MAP2K5: variants seen among roughly 807,000 people sequenced by gnomAD.
MAP2K5 encodes dual specificity mitogen-activated protein kinase kinase 5.
Under a neutral mutation model 83.1 loss-of-function variants are expected in MAP2K5, and 49 were observed. The observed-to-expected ratio is 0.59, with a 90% CI of 0.47 to 0.75. MAP2K5 has a LOEUF of 0.75. Among genes scored for constraint, MAP2K5 ranks in the 30% least tolerant of loss-of-function variants. MAP2K5 has a pLI of 0.00. For missense variants in MAP2K5, 457 were observed against 557.5 expected (o/e 0.82, Z 1.82); for synonymous variants, 202 against 191.8 (o/e 1.05, Z -0.44).
intron 7 of MAP2K5, among the ~76,000 whole-genome samples, chr15:67,600,420 T>C (rs990625828): frequency 6.6e-6 from 1 of 152,244 alleles, no homozygotes. Flanking sequence ...TTTTGAGCTA[T>C]GTTGTATCAT....
At chr15:67,660,637 TC>T (rs1230190983) in intron 12 of MAP2K5, among the ~76,000 whole-genome samples, 1 of 152,142 alleles carries the variant, frequency 6.6e-6, no homozygotes, top group African/African-American at 2.4e-5. Context: ...ATTGAATACT[TC>T]CTGTGCCAAT....
intron 8 of MAP2K5, among the ~76,000 whole-genome samples, chr15:67,614,727 T>C (rs2086014566): frequency 6.6e-6 from 1 of 152,068 alleles, no homozygotes; most frequent in Non-Finnish European, 1.5e-5. Context: ...GTGGAAGAAA[T>C]ATGGAGGTAG....
chr15:67,579,645 T>C (rs1239844088), intron 3 of MAP2K5, among the ~76,000 whole-genome samples: 1 of 152,142 alleles, frequency 6.6e-6, no homozygotes, highest in Non-Finnish European at 1.5e-5. Flanking sequence ...ATGTATTAAC[T>C]TGTGATTCCC....
chr15:67,772,391 T>C (rs1788464852), intron 20 of MAP2K5, among the ~76,000 whole-genome samples: 1 of 152,264 alleles, frequency 6.6e-6, no homozygotes. Flanking sequence ...ATTGCTGCTT[T>C]TTTCACATTC....
chr15:67,769,983 A>G lies in MAP2K5; in HGVS notation c.1196+320A>G. ...ATACACAATTTTATAGCCCCTACTG[A>G]ACGGACGTACGAAGCTTATTTTTAT... is the stretch of plus-strand genomic sequence containing the variant. On this transcript the variant is annotated intron_variant, in intron 20 of 21. Coordinates refer to ENST00000178640, the MANE Select transcript of MAP2K5 (RefSeq NM_145160.3). This position sits in a 1 kb window ranked among gnomAD's most constrained non-coding sequence, Gnocchi z 5.2. 1 of 218,364 alleles carries G rather than the reference A, an allele frequency of 4.6e-6. No individual in the cohort carries two copies. The highest frequency in any genetic ancestry group is 9.0e-6 in the Non-Finnish European group (1 of 111,150). 13.5% of individuals were successfully genotyped at this position (218,364 alleles called of 1,614,324 possible). A position where few individuals can be genotyped will look rare whatever the true frequency, so the allele number is the denominator to read the frequency against.
At chr15:67,792,828 G>A (rs183091215) in intron 21 of MAP2K5, among the ~76,000 whole-genome samples, 2 of 152,304 alleles carry the variant, frequency 1.3e-5, no homozygotes, top group East Asian at 1.9e-4. Flanking sequence ...AAGCGGCCCC[G>A]TATGTCTTTA....
In MAP2K5 at chr15:67,748,177, T is replaced by G; in HGVS notation, c.1075-54T>G. The G allele has an allele frequency of 7.5e-7, 1 of 1,333,368 alleles. No homozygotes were observed. Among genetic ancestry groups the G allele is most frequent in the Non-Finnish European group, 1.1e-6 (1 of 928,332 alleles). 82.6% of individuals were successfully genotyped at this position (1,333,368 alleles called of 1,614,324 possible). A position where few individuals can be genotyped will look rare whatever the true frequency, so the allele number is the denominator to read the frequency against. On this transcript the variant is annotated intron_variant, in intron 17 of 21. Coordinates refer to ENST00000178640, the MANE Select transcript of MAP2K5 (RefSeq NM_145160.3). The surrounding 1 kb of genome is among the most constrained non-coding windows in gnomAD (Gnocchi z 4.0). ...ATTTTCTCTCAGTGATCATAATGTG[T>G]CCAAGTGAGTCATTTTGATTATGAC...
At chr15:67,741,886 A>T (rs2089501120) in intron 17 of MAP2K5, among the ~76,000 whole-genome samples, 1 of 150,606 alleles carries the variant, frequency 6.6e-6, no homozygotes, top group Non-Finnish European at 1.5e-5. Context: ...TGGATTCAAA[A>T]TAAGAAAGAA....
In MAP2K5 at chr15:67,665,829, A is replaced by C. The variant is rs141628200; in HGVS notation, c.847+1184A>C. Among the ~76,000 whole-genome samples, 1 of 152,262 alleles carries C rather than the reference A, an allele frequency of 6.6e-6. No homozygotes were observed. Among genetic ancestry groups the C allele is most frequent in the East Asian group, 1.9e-4 (1 of 5,184 alleles). ...GTGTTACTTTCTCTGAGTATAAATA[A>C]GTGTGTAAACAAATTTGGTGGATGA... On this transcript the variant is annotated intron_variant, in intron 13 of 21. Coordinates refer to ENST00000178640, the MANE Select transcript of MAP2K5 (RefSeq NM_145160.3). The surrounding 1 kb of genome is among the most constrained non-coding windows in gnomAD (Gnocchi z 4.2).
chr15:67,693,644 GAATT>G (rs1369866842), intron 15 of MAP2K5, 76 bp downstream of exon 15: 1 of 1,085,684 alleles, frequency 9.2e-7, no homozygotes, highest in Non-Finnish European at 1.4e-6. Context: ...TATAATTCTT[GAATT>G]AATTCCACAG....
chr15:67,613,315 C>A (rs16951081), intron 8 of MAP2K5, among the ~76,000 whole-genome samples: 1,890 of 152,250 alleles, frequency 0.012, 45 homozygotes, highest in African/African-American at 0.043. Context: ...TAAGACAATT[C>A]AAAAATGTAT....
rs150132249 is a variant in MAP2K5 at position 67,624,967 on chromosome 15, T to C, written c.546-5921T>C. Reference sequence around the variant, plus strand: ...TCTATTTCCTTTAGGTCCTAAAATATGCATATTCTGTCGCGGCTCGTCTTG... The same window carrying C: ...TCTATTTCCTTTAGGTCCTAAAATACGCATATTCTGTCGCGGCTCGTCTTG... On this transcript the variant is annotated intron_variant, in intron 8 of 21. Coordinates refer to ENST00000178640, the MANE Select transcript of MAP2K5 (RefSeq NM_145160.3). Among the ~76,000 whole-genome samples the C allele has an allele frequency of 2.2e-3, 340 of 152,322 alleles. 1 individual carries two copies. The highest frequency in any genetic ancestry group is 7.6e-3 in the African/African-American group (316 of 41,576).
chr15:67,660,871 GA>G (rs10684162), intron 12 of MAP2K5, among the ~76,000 whole-genome samples: 3 of 145,506 alleles, frequency 2.1e-5, no homozygotes, highest in African/African-American at 7.5e-5. Flanking sequence ...AACAGAATGA[GA>G]AAAAAAAAAA....
In MAP2K5 at chr15:67,719,386, A is replaced by G. The variant is rs2088900791; in HGVS notation, c.1045-8530A>G. On this transcript the variant is annotated intron_variant, in intron 16 of 21. Coordinates refer to ENST00000178640, the MANE Select transcript of MAP2K5 (RefSeq NM_145160.3). The surrounding 1 kb of genome is among the most constrained non-coding windows in gnomAD (Gnocchi z 4.6). ...CTCCAGGAGAGATCAGCATCAGGGG[A>G]TATATCATAATCAACAAATGCTTAT... is the stretch of plus-strand genomic sequence containing the variant. Among the ~76,000 whole-genome samples, 1 of 152,184 alleles carries G rather than the reference A, an allele frequency of 6.6e-6. No homozygotes were observed. The highest frequency in any genetic ancestry group is 1.5e-5 in the Non-Finnish European group (1 of 68,036).
At chr15:67,683,668 A>T (rs1332054005) in intron 13 of MAP2K5, among the ~76,000 whole-genome samples, 1 of 152,154 alleles carries the variant, frequency 6.6e-6, no homozygotes, top group Admixed American at 6.5e-5. Flanking sequence ...AGGCTGAGGC[A>T]GGAGAAGCTT....
rs909407890 is a variant in MAP2K5 at position 67,653,862 on chromosome 15, T to C, written c.737-4691T>C. On this transcript the variant is annotated intron_variant, in intron 11 of 21. Transcript: ENST00000178640. The stretch of plus-strand genomic sequence containing the variant: ...TTTAGTTGCATCCTAGAAGTTTTGG[T>C]ATGTTGTGTTTTTATTTTCATTAAT... Among the ~76,000 whole-genome samples, 6 of 152,150 alleles carry C rather than the reference T, an allele frequency of 3.9e-5. 1 individual carries two copies. The highest frequency in any genetic ancestry group is 2.6e-4 in the Admixed American group (4 of 15,282).
rs1349721185 is a variant in MAP2K5 at position 67,559,031 on chromosome 15, G to A, written c.185-4252G>A. Among the ~76,000 whole-genome samples, 1 of 152,214 alleles carries A rather than the reference G, an allele frequency of 6.6e-6. No homozygotes were observed. Among genetic ancestry groups the A allele is most frequent in the Admixed American group, 6.5e-5 (1 of 15,284 alleles). ...CTCATGGATATGAAGATGTGGCCAT[G>A]GAAAGTACGGCCTCTGGTCCTGCCC... is the stretch of plus-strand genomic sequence containing the variant. On this transcript the variant is annotated intron_variant, in intron 2 of 21. Transcript: ENST00000178640. The surrounding 1 kb of genome is among the most constrained non-coding windows in gnomAD (Gnocchi z 4.7).
At chr15:67,744,455 T>C (rs1269411281) in intron 17 of MAP2K5, among the ~76,000 whole-genome samples, 1 of 152,254 alleles carries the variant, frequency 6.6e-6, no homozygotes, top group Non-Finnish European at 1.5e-5. Flanking sequence ...TCAACTGATA[T>C]TGGAAGATCT....
At chr15:67,554,024 T>G (rs2084571547) in intron 2 of MAP2K5, among the ~76,000 whole-genome samples, 1 of 151,238 alleles carries the variant, frequency 6.6e-6, no homozygotes, top group Non-Finnish European at 1.5e-5. Flanking sequence ...AACCCTTGAA[T>G]AAATACAACT....
Sources: allele counts gnomAD v4.1 joint callset (sites outside exome capture counted in the v4.1 genomes callset), GRCh38; gene constraint gnomAD v4.1.1; non-coding constraint Gnocchi (gnomAD v3.1); transcripts MANE v1.5; gene names NCBI Gene and HGNC (gene_info 2026-07-23, HGNC 2026-07-21).